The following FBLN2 variants were observed in gnomAD, a reference collection of about 807,000 sequenced individuals.
FBLN2 encodes fibulin-2.
FBLN2 carries 81 observed loss-of-function variants against 123.7 expected under a neutral mutation model. The ratio of observed to expected loss-of-function variants is 0.65; its 90% CI spans 0.55 to 0.79. The LOEUF (loss-of-function observed/expected upper bound fraction) is 0.79. Among genes scored for constraint, FBLN2 ranks in the 30% least tolerant of loss-of-function variants. The pLI, the probability that FBLN2 is intolerant of heterozygous loss-of-function variation, is 0.00. For missense variants in FBLN2, 1,603 were observed against 1,681.3 expected, an observed-to-expected ratio of 0.95 and a Z score of 0.81; for synonymous variants, 699 against 701.4, an observed-to-expected ratio of 1.00 and a Z score of 0.05.
chr3:13,636,546 A>G lies in FBLN2; in HGVS notation c.3316A>G (p.Asn1106Asp), dbSNP rs749491037. 7.4e-6 allele frequency: 12 copies of G among 1,613,544 alleles called. No homozygotes were observed. Among genetic ancestry groups the G allele is most frequent in the African/African-American group, 1.3e-5 (1 of 75,046 alleles). The change falls in exon 17 of 18, where the codon AAC (asparagine) becomes GAC (aspartate). Residue 1106 changes from asparagine (N) to aspartate (D), a missense_variant. Coordinates refer to ENST00000404922, the MANE Select transcript of FBLN2 (RefSeq NM_001004019.2). ...CTGCCTGCGCTTCGAGTGTCCTCCC[A>G]ACTATGTCCAAGTCTCCAAAACGTG... The part of the protein sequence containing the change: ...FRCLRFECPP[N>D]YVQVSKTKCE...
intron 2 of FBLN2, among the ~76,000 whole-genome samples, chr3:13,600,595 C>A (rs1024649029): frequency 6.7e-6 from 1 of 149,080 alleles, no homozygotes; most frequent in Admixed American, 6.8e-5. Flanking sequence ...AAGCTTGCGA[C>A]TTCTTTTTTA....
At chr3:13,557,729 C>G (rs767663595) in intron 1 of FBLN2, among the ~76,000 whole-genome samples, 1 of 152,262 alleles carries the variant, frequency 6.6e-6, no homozygotes, top group East Asian at 1.9e-4. Flanking sequence ...GGCCATCCAG[C>G]AGTCCACGTA....
intron 3 of FBLN2, among the ~76,000 whole-genome samples, chr3:13,609,258 C>G (rs1425026924): frequency 6.6e-6 from 1 of 152,182 alleles, no homozygotes; most frequent in Non-Finnish European, 1.5e-5. Flanking sequence ...GGTGGGGACT[C>G]TGATGCCAAC....
intron 17 of FBLN2, 81 bp from the exon 18 acceptor site, chr3:13,637,481 C>T: frequency 7.6e-7 from 1 of 1,317,552 alleles, no homozygotes; most frequent in Non-Finnish European, 1.0e-6. Context: ...GATCCTGCCG[C>T]TGAGCTGTGC....
At chr3:13,617,724 C>T (rs1705679795) in intron 5 of FBLN2, among the ~76,000 whole-genome samples, 1 of 111,834 alleles carries the variant, frequency 8.9e-6, no homozygotes, top group Non-Finnish European at 1.9e-5. Context: ...TCCATCCATT[C>T]ATCCACCCCC....
chr3:13,613,953 A>G, intron 4 of FBLN2, 31 bp from the exon 5 acceptor site: 1 of 1,600,972 alleles, frequency 6.2e-7, no homozygotes, highest in East Asian at 2.2e-5. Flanking sequence ...GGGGCCAGAG[A>G]TTGGGCAGTG....
intron 1 of FBLN2, among the ~76,000 whole-genome samples, chr3:13,554,550 G>T (rs1374954399): frequency 1.3e-5 from 2 of 148,980 alleles, no homozygotes. Context: ...TCTCTTGTCT[G>T]TCTCTGAAGA....
intron 8 of FBLN2, among the ~76,000 whole-genome samples, 177 bp downstream of exon 8, chr3:13,620,008 G>T (rs574995072): frequency 5.3e-5 from 8 of 152,282 alleles, no homozygotes; most frequent in South Asian, 2.1e-4. Context: ...CTCACCGTAC[G>T]TGCGGTGTAT....
chr3:13,587,405 C>T (rs1255920152), intron 2 of FBLN2, among the ~76,000 whole-genome samples: 2 of 152,136 alleles, frequency 1.3e-5, no homozygotes, highest in Admixed American at 1.3e-4. Context: ...CTAAAATCTG[C>T]AGTAGTGCAC....
intron 4 of FBLN2, among the ~76,000 whole-genome samples, chr3:13,609,976 A>C (rs12106996): frequency 0.13 from 19,725 of 152,198 alleles, 2,354 homozygotes; most frequent in African/African-American, 0.32. Flanking sequence ...TGAATATTTT[A>C]GCACCTGGCG....
At chr3:13,582,167 G>A (rs1027812655) in intron 2 of FBLN2, among the ~76,000 whole-genome samples, 1 of 152,204 alleles carries the variant, frequency 6.6e-6, no homozygotes, top group African/African-American at 2.4e-5. Context: ...GGATGCTGTG[G>A]TTCCAAGTCC....
At chr3:13,576,726 C>CA (rs987066476) in intron 2 of FBLN2, among the ~76,000 whole-genome samples, 3 of 151,874 alleles carry the variant, frequency 2.0e-5, no homozygotes, top group Non-Finnish European at 4.4e-5. Context: ...GGGATCCCCC[C>CA]CCCCCGGGTT....
chr3:13,576,288 G>T (rs943500107), intron 2 of FBLN2, among the ~76,000 whole-genome samples: 2 of 152,186 alleles, frequency 1.3e-5, no homozygotes, highest in African/African-American at 4.8e-5. Context: ...AGCCCCTCAT[G>T]CCCCCTCCTT....
chr3:13,617,179 TATCC>T (rs1333288888), intron 5 of FBLN2, among the ~76,000 whole-genome samples: 4 of 129,472 alleles, frequency 3.1e-5, no homozygotes, highest in East Asian at 2.9e-4. Context: ...TCCATCCATC[TATCC>T]ATCCATCCAT....
intron 2 of FBLN2, among the ~76,000 whole-genome samples, chr3:13,584,406 C>T (rs1054203640): frequency 1.3e-5 from 2 of 152,188 alleles, no homozygotes; most frequent in Non-Finnish European, 2.9e-5. Context: ...CAGGCTCTCT[C>T]TGCCCAGACC....
chr3:13,560,837 G>A (rs1008123453), intron 1 of FBLN2, among the ~76,000 whole-genome samples: 2 of 151,572 alleles, frequency 1.3e-5, no homozygotes, highest in African/African-American at 4.9e-5. Flanking sequence ...TTTTAGATAC[G>A]GGGTTTTGCT....
chr3:13,631,005 T>C (rs976569), intron 15 of FBLN2, among the ~76,000 whole-genome samples, 190 bp downstream of exon 15: 107,207 of 152,080 alleles, frequency 0.7, 38,172 homozygotes, highest in East Asian at 0.98. Context: ...TGACCTCAGG[T>C]TCCTCCTCTG....
chr3:13,609,688 G>GGGGGGGGGCC, intron 4 of FBLN2, 46 bp downstream of exon 4: 25 of 512,558 alleles, frequency 4.9e-5, no homozygotes, highest in East Asian at 2.0e-4. Context: ...GTGGGGCGGG[G>GGGGGGGGGCC]CGGGAGGCTG....
chr3:13,621,554 C>T (rs1316371790), intron 8 of FBLN2, among the ~76,000 whole-genome samples: 1 of 152,162 alleles, frequency 6.6e-6, no homozygotes, highest in African/African-American at 2.4e-5. Flanking sequence ...AGCCACCCAC[C>T]CTCTCTGAGT....
Sources: gnomAD v4.1 joint callset for allele counts (sites outside exome capture counted in the v4.1 genomes callset) on GRCh38, gnomAD v4.1.1 for gene constraint, MANE v1.5 for transcripts, NCBI Gene and HGNC (gene_info 2026-07-23, HGNC 2026-07-21) for gene names.